The following CSMD1 variants were observed in gnomAD, a reference collection of about 807,000 sequenced individuals.
CSMD1 encodes CUB and sushi domain-containing protein 1.
CSMD1 carries 213 observed loss-of-function variants against 417.5 expected under a neutral mutation model. The ratio of observed to expected loss-of-function variants is 0.51; its 90% CI spans 0.46 to 0.57. The LOEUF is 0.57. CSMD1 is among the 20% of genes least tolerant of loss of function. CSMD1 has a pLI of 0.00. For missense variants in CSMD1, 6,923 were observed against 4,529.7 expected (o/e 1.53, Z -15.17); for synonymous variants, 2,862 against 1,736.8 (o/e 1.65, Z -16.11).
chr8:3,070,789 G>T (rs1454002902), intron 49 of CSMD1, among the ~76,000 whole-genome samples: 1 of 152,188 alleles, frequency 6.6e-6, no homozygotes, highest in Admixed American at 6.5e-5. Context: ...TTCCAAAGCT[G>T]CTTCAACATT....
At chr8:4,286,199 G>A (rs1314886771) in intron 3 of CSMD1, among the ~76,000 whole-genome samples, 5 of 151,846 alleles carry the variant, frequency 3.3e-5, no homozygotes, top group Non-Finnish European at 7.4e-5. Context: ...CTTTTCTCCC[G>A]ACTGCAAACT....
intron 5 of CSMD1, among the ~76,000 whole-genome samples, chr8:3,973,762 G>C (rs184143518): frequency 3.6e-4 from 55 of 152,290 alleles, no homozygotes; most frequent in Middle Eastern, 3.4e-3. Context: ...AAACCAACCA[G>C]TGTTTCATTA....
chr8:4,327,953 T>C (rs1232671169), intron 3 of CSMD1, among the ~76,000 whole-genome samples: 1 of 152,212 alleles, frequency 6.6e-6, no homozygotes, highest in Non-Finnish European at 1.5e-5. Context: ...CACTGTGATC[T>C]AGAAGTTGAA....
chr8:4,531,928 C>G (rs1164114741), intron 2 of CSMD1, among the ~76,000 whole-genome samples: 1 of 150,140 alleles, frequency 6.7e-6, no homozygotes, highest in Non-Finnish European at 1.5e-5. Flanking sequence ...ATCCTGCAAG[C>G]CCATTCACAC....
At chr8:3,944,076 A>G (rs1053745600) in intron 5 of CSMD1, among the ~76,000 whole-genome samples, 1 of 152,160 alleles carries the variant, frequency 6.6e-6, no homozygotes, top group African/African-American at 2.4e-5. Flanking sequence ...TTTCAAGAAA[A>G]ATATACAGTG....
intron 18 of CSMD1, among the ~76,000 whole-genome samples, chr8:3,381,269 T>C (rs1810610977): frequency 6.7e-6 from 1 of 150,290 alleles, no homozygotes; most frequent in South Asian, 2.2e-4. Flanking sequence ...TCTACCCACA[T>C]GAAAAAAAAA....
chr8:4,212,202 C>G (rs986147576), intron 3 of CSMD1, among the ~76,000 whole-genome samples: 2 of 148,422 alleles, frequency 1.3e-5, no homozygotes, highest in Non-Finnish European at 3.0e-5. Context: ...ATATTATTTT[C>G]TCTCCATGTT....
intron 6 of CSMD1, among the ~76,000 whole-genome samples, chr8:3,729,385 G>A (rs937865782): frequency 5.9e-5 from 9 of 152,310 alleles, no homozygotes; most frequent in African/African-American, 2.2e-4. Context: ...GGGCTCAGTT[G>A]TGCTCAGTCA....
At chr8:3,387,987 A>C (rs1309539017) in intron 17 of CSMD1, among the ~76,000 whole-genome samples, 1 of 152,224 alleles carries the variant, frequency 6.6e-6, no homozygotes, top group Non-Finnish European at 1.5e-5. Context: ...AATTGCACTA[A>C]ATAAAGTCTA....
At chr8:3,614,199 T>C (rs1018995348) in intron 8 of CSMD1, among the ~76,000 whole-genome samples, 5 of 152,242 alleles carry the variant, frequency 3.3e-5, no homozygotes, top group African/African-American at 9.6e-5. Flanking sequence ...GCTACAAACA[T>C]AGAGACATAT....
chr8:3,791,354 T>G (rs1241223564), intron 5 of CSMD1, among the ~76,000 whole-genome samples: 5 of 152,150 alleles, frequency 3.3e-5, no homozygotes, highest in East Asian at 1.9e-4. Flanking sequence ...TGAAACAATG[T>G]GAAAAAATAA....
chr8:3,098,440 T>A (rs1048170830), intron 46 of CSMD1, among the ~76,000 whole-genome samples: 4 of 152,198 alleles, frequency 2.6e-5, no homozygotes, highest in Non-Finnish European at 5.9e-5. Flanking sequence ...ACATATATTT[T>A]AAAATTTAGA....
intron 5 of CSMD1, among the ~76,000 whole-genome samples, chr8:3,983,135 CTT>C (rs201667296): frequency 1.5e-5 from 2 of 133,508 alleles, no homozygotes; most frequent in Non-Finnish European, 3.1e-5. Flanking sequence ...ATCTTTCTTT[CTT>C]TTTTTTTTTT....
rs193177996 is a variant in CSMD1 at position 4,702,809 on chromosome 8, G to A, written c.86-65251C>T. 1.3e-4 allele frequency among the ~76,000 whole-genome samples: 19 copies of A among 151,912 alleles called. No homozygotes were observed. The East Asian group carries it at 3.7e-3, about 29-fold the overall frequency. The stretch of plus-strand genomic sequence containing the variant: ...GGTAGCAAAATAAATAATAATAGCG[G>A]GATTCATCATATCTTCTCTTTGTCT... On this transcript the variant is annotated intron_variant, in intron 1 of 69. Coordinates refer to ENST00000635120, the MANE Select transcript of CSMD1 (RefSeq NM_033225.6).
intron 21 of CSMD1, among the ~76,000 whole-genome samples, chr8:3,354,872 C>CTATCT (rs1563303888): frequency 4.3e-4 from 23 of 54,018 alleles, no homozygotes; most frequent in Non-Finnish European, 6.7e-4. Flanking sequence ...TATAGATATA[C>CTATCT]ATATATCTAT....
chr8:4,983,903 G>C (rs903179209), intron 1 of CSMD1, among the ~76,000 whole-genome samples: 1 of 152,108 alleles, frequency 6.6e-6, no homozygotes, highest in African/African-American at 2.4e-5. Flanking sequence ...AAAGCTCAAA[G>C]TTATGGTCGA....
At chr8:3,116,415 A>G (rs1273100297) in intron 42 of CSMD1, among the ~76,000 whole-genome samples, 1 of 152,162 alleles carries the variant, frequency 6.6e-6, no homozygotes, top group South Asian at 2.1e-4. Context: ...TCCCTGGAAT[A>G]TATTGACATA....
At chr8:4,689,905 T>G (rs1003833133) in intron 1 of CSMD1, among the ~76,000 whole-genome samples, 3 of 152,208 alleles carry the variant, frequency 2.0e-5, no homozygotes, top group Non-Finnish European at 4.4e-5. Flanking sequence ...AAGGAAAGCC[T>G]GTTTTAATAC....
chr8:3,678,796 G>C (rs576904935), intron 7 of CSMD1, among the ~76,000 whole-genome samples: 1 of 152,122 alleles, frequency 6.6e-6, no homozygotes, highest in Non-Finnish European at 1.5e-5. Flanking sequence ...AGAAAGGTCG[G>C]GTTACCCACA....
Sources: allele counts gnomAD v4.1 joint callset (sites outside exome capture counted in the v4.1 genomes callset), GRCh38; gene constraint gnomAD v4.1.1; transcripts MANE v1.5; gene names NCBI Gene and HGNC (gene_info 2026-07-23, HGNC 2026-07-21).